NIBAN3: variants seen among roughly 807,000 people sequenced by gnomAD.
NIBAN3 encodes protein Niban 3.
Under a neutral mutation model 76.4 loss-of-function variants are expected in NIBAN3, and 66 were observed. The ratio of observed to expected loss-of-function variants is 0.86; its 90% confidence interval spans 0.71 to 1.06. NIBAN3 has a LOEUF of 1.06. Ranked by LOEUF, NIBAN3 falls within the 50% of genes least tolerant of loss-of-function variation. NIBAN3 has a pLI of 0.00. For missense variants in NIBAN3, 808 were observed against 810.7 expected, an observed-to-expected ratio of 1.00 and a Z score of 0.04; for synonymous variants, 360 against 355.2, an observed-to-expected ratio of 1.01 and a Z score of -0.15.
intron 14 of NIBAN3, among the ~76,000 whole-genome samples, chr19:17,550,118 C>G (rs1026016047): frequency 2.0e-5 from 3 of 152,124 alleles, no homozygotes; most frequent in African/African-American, 7.2e-5. Flanking sequence ...CCAGGCCCAG[C>G]CTTTGTATCC....
rs982239597 is a variant in NIBAN3 at position 17,539,311 on chromosome 19, G to A, written c.712-36G>A. 4 of 1,555,586 alleles carry A rather than the reference G, an allele frequency of 2.6e-6. No individual in the cohort carries two copies. In the South Asian group the frequency reaches 4.7e-5, roughly 18 times the overall value. ...CACCCGGGACCCCCAGGACCCTCCC[G>A]GCCGACCGCGGCGCCCATGGCCCCC... is the stretch of plus-strand genomic sequence containing the variant. On this transcript the variant is annotated intron_variant, in intron 6 of 14. Transcript: ENST00000599164.
At chr19:17,541,253 ACATACAT>A (rs2075947489) in intron 9 of NIBAN3, among the ~76,000 whole-genome samples, 1 of 152,002 alleles carries the variant, frequency 6.6e-6, no homozygotes, top group Non-Finnish European at 1.5e-5. Flanking sequence ...ATACATACAT[ACATACAT>A]ACATACATAC....
chr19:17,530,546 A>T (rs1222253818), intron 1 of NIBAN3, among the ~76,000 whole-genome samples: 1 of 133,966 alleles, frequency 7.5e-6, no homozygotes, highest in Admixed American at 7.2e-5. Context: ...AAAAAAAAAA[A>T]AAAAAAAAAA....
rs1413406984 is a variant in NIBAN3 at position 17,539,455 on chromosome 19, T to A, written c.816+4T>A. The A allele has an allele frequency of 6.8e-7, 1 of 1,469,354 alleles. No homozygotes were observed. Among genetic ancestry groups the A allele is most frequent in the Non-Finnish European group, 9.0e-7 (1 of 1,111,984 alleles). The allele number at this position is 1,469,354 out of a possible 1,614,324, so 91.0% of individuals were successfully genotyped here. On this transcript the variant is annotated splice_donor_region_variant and intron_variant, in intron 7 of 14. Transcript: ENST00000599164. ...CCGCGCCTGGGCCTGGACCGAGGTA[T>A]GCACGGCGTCCGGATCCGGGATAGG...
chr19:17,552,917 T>TA lies in NIBAN3; in HGVS notation c.*1022dup, dbSNP rs1202831991. Reference sequence around the variant, plus strand: ...AACCTGTCTCTACTAAAAAATAAAATAAATAAATAAATAAATAAATAAATA... The same window carrying TA: ...AACCTGTCTCTACTAAAAAATAAAATAAAATAAATAAATAAATAAATAAATA... On this transcript the variant is annotated 3_prime_UTR_variant, in exon 15 of 15. Coordinates refer to ENST00000599164, the MANE Select transcript of NIBAN3 (RefSeq NM_001321827.2). The TA allele has an allele frequency of 7.3e-4, 10 of 13,686 alleles. No homozygotes were observed. The highest frequency in any genetic ancestry group is 2.5e-3 in the African/African-American group (7 of 2,840). The allele number at this position is 13,686 out of a possible 1,614,324, so 0.8% of individuals were successfully genotyped here.
intron 5 of NIBAN3, 103 bp from the exon 6 acceptor site, chr19:17,539,047 A>T (rs531192650): frequency 1.1e-6 from 1 of 933,566 alleles, no homozygotes; most frequent in South Asian, 1.6e-5. Context: ...GATGGGTGAG[A>T]CTTGGGTGTT....
upstream of NIBAN3, among the ~76,000 whole-genome samples, chr19:17,525,335 C>T (rs1035108165): frequency 1.3e-5 from 2 of 150,874 alleles, no homozygotes; most frequent in Non-Finnish European, 3.0e-5. Context: ...CCGTCCCTCC[C>T]TTCATTCATT....
chr19:17,544,703 G>C (rs36095030), intron 12 of NIBAN3, among the ~76,000 whole-genome samples: 26,882 of 152,182 alleles, frequency 0.18, 2,513 homozygotes, highest in Middle Eastern at 0.22. Context: ...GGAGGTCAGC[G>C]GGAGTCCTAG....
At chr19:17,555,256 C>T (rs770669343), downstream of NIBAN3, among the ~76,000 whole-genome samples, 9 of 152,172 alleles carry the variant, frequency 5.9e-5, no homozygotes, top group Non-Finnish European at 1.3e-4. Context: ...AGATCCAAAA[C>T]CAGGATGGCA....
rs1237935616 is a variant in NIBAN3 at position 17,542,899 on chromosome 19, C to T, written c.1330-418C>T. Among the ~76,000 whole-genome samples the T allele has an allele frequency of 6.6e-6, 1 of 152,094 alleles. No homozygotes were observed. The highest frequency in any genetic ancestry group is 2.4e-5 in the African/African-American group (1 of 41,408). On this transcript the variant is annotated intron_variant, in intron 10 of 14. Transcript: ENST00000599164. The surrounding 1 kb of genome is among the most constrained non-coding windows in gnomAD (Gnocchi z 4.8). Reference sequence around the variant, plus strand: ...GATGGGGGATGTCAGTGGGGAGAAGCAATAAGTGTTTTGAAGTCTGAGATG... The same window carrying T: ...GATGGGGGATGTCAGTGGGGAGAAGTAATAAGTGTTTTGAAGTCTGAGATG...
chr19:17,523,414 T>C, upstream of NIBAN3: 1 of 1,554,620 alleles, frequency 6.4e-7, no homozygotes, highest in Non-Finnish European at 8.7e-7. Context: ...GGCAGGCCAC[T>C]CAGATGTGAG....
chr19:17,532,372 G>A lies in NIBAN3; in HGVS notation c.296G>A (p.Trp99Ter). ...CVLRGDGRLE[W>*]FSHKEEYENG... is the part of the protein sequence containing the mutation. ...CTGCGTGGGGACGGCCGCCTAGAGT[G>A]GTTCAGCCACAAGGAGGTGCGTGAT... Residue 99 changes from tryptophan to a stop codon, truncating the protein, a stop_gained, in exon 3 of 15, where the codon TGG (tryptophan) becomes TAG (stop). Coordinates refer to ENST00000599164, the MANE Select transcript of NIBAN3 (RefSeq NM_001321827.2). LOFTEE classifies it high-confidence loss of function. 1 of 1,614,200 alleles carries A rather than the reference G, an allele frequency of 6.2e-7. No individual in the cohort carries two copies. Among genetic ancestry groups the A allele is most frequent in the Non-Finnish European group, 8.5e-7 (1 of 1,180,034 alleles).
intron 1 of NIBAN3, among the ~76,000 whole-genome samples, chr19:17,530,120 T>C (rs1015017998): frequency 1.3e-5 from 2 of 151,232 alleles, no homozygotes; most frequent in Admixed American, 1.3e-4. Context: ...AAGACCAGCC[T>C]GAGCAACATG....
rs2075992353 is a variant in NIBAN3 at position 17,543,450 on chromosome 19, CGGGGTGGCAT to C, written c.1446+27_1446+36del. On this transcript the variant is annotated intron_variant, in intron 11 of 14. Coordinates refer to ENST00000599164, the MANE Select transcript of NIBAN3 (RefSeq NM_001321827.2). ...GTGCTGAAGGTGTGTTCTGTGGGTA[CGGGGTGGCAT>C]GGGGTGGCAGTGGGCCTGGGTGCTC... The C allele has an allele frequency of 1.2e-6, 2 of 1,610,316 alleles. No homozygotes were observed. The highest frequency in any genetic ancestry group is 2.7e-5 in the African/African-American group (2 of 74,786).
At chr19:17,544,384 G>A (rs923733146) in intron 12 of NIBAN3, among the ~76,000 whole-genome samples, 4 of 152,186 alleles carry the variant, frequency 2.6e-5, no homozygotes, top group Non-Finnish European at 4.4e-5. Context: ...CACCTATGAC[G>A]GGGTTCATTA....
In NIBAN3 at chr19:17,553,082, C is replaced by A; in HGVS notation, c.*1184C>A. 3.6e-6 allele frequency: 2 copies of A among 551,204 alleles called. No individual in the cohort carries two copies. Among genetic ancestry groups the A allele is most frequent in the Non-Finnish European group, 5.7e-6 (2 of 353,288 alleles). The allele number at this position is 551,204 out of a possible 1,614,324, so 34.1% of individuals were successfully genotyped here. On this transcript the variant is annotated 3_prime_UTR_variant, in exon 15 of 15. Coordinates refer to ENST00000599164, the MANE Select transcript of NIBAN3 (RefSeq NM_001321827.2). Reference sequence around the variant, plus strand: ...GGGAGTGAGACCCTGTCTCAAAAAACAAAATCCAAATATGTTGATTAGCCA... The same window carrying A: ...GGGAGTGAGACCCTGTCTCAAAAAAAAAAATCCAAATATGTTGATTAGCCA...
chr19:17,531,607 C>T (rs1275940140), intron 2 of NIBAN3, among the ~76,000 whole-genome samples: 1 of 152,152 alleles, frequency 6.6e-6, no homozygotes, highest in Non-Finnish European at 1.5e-5. Flanking sequence ...AATCTTAGCT[C>T]ACTGCCACCT....
chr19:17,536,531 A>G (rs2075827558), intron 4 of NIBAN3, among the ~76,000 whole-genome samples: 1 of 152,062 alleles, frequency 6.6e-6, no homozygotes, highest in Admixed American at 6.6e-5. Flanking sequence ...ATCATCCTGG[A>G]AAGTGGAACA....
rs759532019 is a variant in NIBAN3, at chr19:17,542,189, C to G, written c.1224C>G (p.Tyr408Ter). 1 of 1,614,148 alleles carries G rather than the reference C, an allele frequency of 6.2e-7. No homozygotes were observed. The highest frequency in any genetic ancestry group is 1.1e-5 in the South Asian group (1 of 91,076). The change falls in exon 10 of 15, where the codon TAC (tyrosine) becomes TAG (stop). Residue 408 changes from tyrosine (Y) to a stop codon, truncating the protein, a stop_gained. Coordinates refer to ENST00000599164, the MANE Select transcript of NIBAN3 (RefSeq NM_001321827.2). LOFTEE classifies it high-confidence loss of function. This position sits in a 1 kb window ranked among gnomAD's most constrained non-coding sequence, Gnocchi z 4.8. ...PWDLALMQTC[Y>*]REAERSRGRL... is the part of the protein sequence containing the mutation. ...ACTTGGCGCTGATGCAGACATGCTA[C>G]CGTGAGGCCGAGCGGAGCCGGGGGC...
Sources: gnomAD v4.1 joint callset for allele counts (sites outside exome capture counted in the v4.1 genomes callset) on GRCh38, gnomAD v4.1.1 for gene constraint, Gnocchi (gnomAD v3.1) non-coding constraint, MANE v1.5 for transcripts, NCBI Gene and HGNC (gene_info 2026-07-23, HGNC 2026-07-21) for gene names.